The following ERC1 variants were observed in gnomAD, a reference collection of about 807,000 sequenced individuals.
ERC1 encodes the protein ELKS/RAB6-interacting/CAST family member 1.
In ERC1, 56 loss-of-function variants were observed where a neutral mutation model predicts 132.0. That is an observed-to-expected ratio of 0.42 (90% confidence interval 0.34 to 0.53). ERC1 has a LOEUF of 0.53. Ranked by LOEUF, ERC1 falls within the 20% of genes least tolerant of loss-of-function variation. The pLI is 0.03. For synonymous variants in ERC1, 478 were observed against 476.1 expected (o/e 1.00, Z -0.05); for missense variants, 1,202 against 1,349.9 (o/e 0.89, Z 1.72).
chr12:1,134,398 G>A (rs543852356), intron 7 of ERC1, among the ~76,000 whole-genome samples: 1 of 150,708 alleles, frequency 6.6e-6, no homozygotes, highest in African/African-American at 2.4e-5. Context: ...CAAGGCTGGA[G>A]TACAGTGGTG....
chr12:1,465,720 G>A (rs2093729652), intron 18 of ERC1, among the ~76,000 whole-genome samples: 1 of 152,142 alleles, frequency 6.6e-6, no homozygotes, highest in African/African-American at 2.4e-5. Flanking sequence ...AGAGGTGGGG[G>A]CAGTGTGGCC....
chr12:1,261,736 T>A (rs76854200), intron 13 of ERC1, among the ~76,000 whole-genome samples: 1 of 152,192 alleles, frequency 6.6e-6, no homozygotes, highest in Non-Finnish European at 1.5e-5. Context: ...ACCTCACTTA[T>A]GGGAATAGAT....
chr12:1,293,508 A>T (rs2079645658), intron 15 of ERC1, among the ~76,000 whole-genome samples: 1 of 126,458 alleles, frequency 7.9e-6, no homozygotes, highest in South Asian at 2.5e-4. Context: ...GTGCGCCTGT[A>T]ATCCCAGCTA....
At chr12:1,382,186 A>G (rs531944210) in intron 16 of ERC1, among the ~76,000 whole-genome samples, 14 of 152,244 alleles carry the variant, frequency 9.2e-5, no homozygotes, top group Non-Finnish European at 1.6e-4. Flanking sequence ...TAATAACACC[A>G]TCAACGAATA....
intron 13 of ERC1, among the ~76,000 whole-genome samples, chr12:1,243,119 G>A (rs953957085): frequency 3.3e-5 from 5 of 150,574 alleles, no homozygotes; most frequent in South Asian, 2.1e-4. Context: ...CCCGGGAAGC[G>A]GAGCTTGCAG....
intron 2 of ERC1, among the ~76,000 whole-genome samples, chr12:1,059,075 T>TA (rs1452773327): frequency 6.6e-6 from 1 of 152,220 alleles, no homozygotes. Flanking sequence ...AATTTATTCT[T>TA]AGAGTTTGTT....
chr12:1,255,954 A>G (rs2076784907), intron 13 of ERC1, among the ~76,000 whole-genome samples: 1 of 151,960 alleles, frequency 6.6e-6, no homozygotes, highest in African/African-American at 2.4e-5. Flanking sequence ...CAGGTGTGAG[A>G]TGGTATCTCA....
At chr12:1,393,600 G>A (rs2090169166) in intron 16 of ERC1, among the ~76,000 whole-genome samples, 1 of 114,358 alleles carries the variant, frequency 8.7e-6, no homozygotes, top group Non-Finnish European at 1.8e-5. Context: ...CCTTTAGAGA[G>A]AACACACGTG....
At chr12:1,000,818 G>A (rs1962096265) in intron 1 of ERC1, among the ~76,000 whole-genome samples, 1 of 152,126 alleles carries the variant, frequency 6.6e-6, no homozygotes, top group African/African-American at 2.4e-5. Flanking sequence ...ATAAAATTCA[G>A]ACCTTAAACA....
intron 13 of ERC1, among the ~76,000 whole-genome samples, chr12:1,248,694 C>T (rs12425157): frequency 0.21 from 31,858 of 151,972 alleles, 3,691 homozygotes; most frequent in Non-Finnish European, 0.27. Flanking sequence ...TTTGCAATAT[C>T]TGGAGGATGA....
intron 8 of ERC1, among the ~76,000 whole-genome samples, chr12:1,146,308 GTTT>G (rs1172108036): frequency 2.8e-3 from 89 of 31,786 alleles, no homozygotes; most frequent in East Asian, 4.4e-3. Context: ...TATTTTACTG[GTTT>G]TTTTTTTTTT....
chr12:1,403,208 C>CT (rs916575466), intron 16 of ERC1, among the ~76,000 whole-genome samples: 2 of 151,962 alleles, frequency 1.3e-5, no homozygotes, highest in Non-Finnish European at 2.9e-5. Context: ...TCCCTTCTTC[C>CT]TTTTTTTTCC....
chr12:1,146,606 A>G (rs556605911), intron 8 of ERC1, among the ~76,000 whole-genome samples: 73 of 143,896 alleles, frequency 5.1e-4, no homozygotes, highest in African/African-American at 1.9e-3. Flanking sequence ...AAGGACTTCC[A>G]GTACTGTTTT....
intron 12 of ERC1, among the ~76,000 whole-genome samples, chr12:1,228,355 T>TTCCTGTGA (rs1566313370): frequency 9.9e-5 from 15 of 151,396 alleles, no homozygotes; most frequent in African/African-American, 2.7e-4. Context: ...GCCAGTTGTA[T>TTCCTGTGA]ACAAAAATAT....
intron 15 of ERC1, among the ~76,000 whole-genome samples, chr12:1,366,736 G>A (rs953397740): frequency 3.3e-5 from 5 of 152,272 alleles, no homozygotes; most frequent in South Asian, 2.1e-4. Context: ...TGGGAGTGAC[G>A]TGCACAGACA....
At chr12:1,396,536 A>G (rs1417902975) in intron 16 of ERC1, among the ~76,000 whole-genome samples, 1 of 152,238 alleles carries the variant, frequency 6.6e-6, no homozygotes, top group Non-Finnish European at 1.5e-5. Context: ...AGATATGTAA[A>G]CAGATGATTA....
intron 15 of ERC1, among the ~76,000 whole-genome samples, chr12:1,338,382 T>G (rs1477224886): frequency 6.6e-6 from 1 of 152,226 alleles, no homozygotes. Flanking sequence ...TTCAGCTCTG[T>G]CAGGTTGATT....
At chr12:1,047,406 G>A (rs572790102) in intron 2 of ERC1, among the ~76,000 whole-genome samples, 31 of 151,496 alleles carry the variant, frequency 2.0e-4, no homozygotes, top group African/African-American at 6.5e-4. Flanking sequence ...CCCAAAAAAA[G>A]CCATTGTATG....
chr12:1,341,063 C>CTCTT (rs1566629703), intron 15 of ERC1, among the ~76,000 whole-genome samples: 1 of 45,160 alleles, frequency 2.2e-5, no homozygotes, highest in African/African-American at 7.1e-5. Flanking sequence ...TTATTCTTTT[C>CTCTT]TTTTTCTTTT....
Sources: gnomAD v4.1 joint callset for allele counts (sites outside exome capture counted in the v4.1 genomes callset) on GRCh38, gnomAD v4.1.1 for gene constraint, MANE v1.5 for transcripts, NCBI Gene and HGNC (gene_info 2026-07-23, HGNC 2026-07-21) for gene names.